ARHGEF28: variants seen among roughly 807,000 people sequenced by gnomAD.
ARHGEF28 encodes Rho guanine nucleotide exchange factor 28.
In ARHGEF28, 152 loss-of-function variants were observed where a neutral mutation model predicts 206.6. The observed-to-expected ratio is 0.74, with a 90% CI of 0.64 to 0.84. The LOEUF (loss-of-function observed/expected upper bound fraction) is 0.84. ARHGEF28 is among the 40% of genes least tolerant of loss of function. ARHGEF28 has a pLI of 0.00. For synonymous variants in ARHGEF28, 763 were observed against 776.4 expected (o/e 0.98, Z 0.29); for missense variants, 2,028 against 2,073.2 (o/e 0.98, Z 0.42).
At chr5:73,794,172 G>C (rs2112484884) in intron 7 of ARHGEF28, among the ~76,000 whole-genome samples, 1 of 152,242 alleles carries the variant, frequency 6.6e-6, no homozygotes, top group African/African-American at 2.4e-5. Flanking sequence ...TCCTGTGAGA[G>C]CTCCTGGGCT....
chr5:73,825,815 A>C (rs954228991), intron 9 of ARHGEF28, among the ~76,000 whole-genome samples: 3 of 152,138 alleles, frequency 2.0e-5, no homozygotes, highest in Non-Finnish European at 2.9e-5. Flanking sequence ...GGTGGGAATC[A>C]AGAGTTCAGC....
chr5:73,663,065 C>G (rs1745710222), intron 1 of ARHGEF28, among the ~76,000 whole-genome samples: 1 of 152,176 alleles, frequency 6.6e-6, no homozygotes, highest in Non-Finnish European at 1.5e-5. Context: ...AAGCGATTAC[C>G]CTGCCTCAGC....
At chr5:73,933,931 TTTC>T (rs921979439) in intron 35 of ARHGEF28, among the ~76,000 whole-genome samples, 49 of 151,110 alleles carry the variant, frequency 3.2e-4, no homozygotes, top group African/African-American at 1.1e-3. Context: ...TTTTTTTTTT[TTTC>T]CCCCTCAGTT....
At chr5:73,653,059 C>A (rs932169063) in intron 1 of ARHGEF28, among the ~76,000 whole-genome samples, 1 of 152,154 alleles carries the variant, frequency 6.6e-6, no homozygotes, top group African/African-American at 2.4e-5. Flanking sequence ...AGCTGTTGGT[C>A]AATAGCTCTA....
chr5:73,765,836 T>C (rs2087095339), intron 4 of ARHGEF28, among the ~76,000 whole-genome samples: 1 of 151,748 alleles, frequency 6.6e-6, no homozygotes, highest in African/African-American at 2.4e-5. Context: ...TTAATGTGAA[T>C]CAAAAAAAAA....
At chr5:73,671,246 T>G (rs1746283752) in intron 1 of ARHGEF28, among the ~76,000 whole-genome samples, 1 of 152,112 alleles carries the variant, frequency 6.6e-6, no homozygotes, top group Non-Finnish European at 1.5e-5. Context: ...CCCTGTAGCT[T>G]ACAAAAGTAA....
intron 9 of ARHGEF28, among the ~76,000 whole-genome samples, chr5:73,814,749 T>A (rs998261310): frequency 6.6e-6 from 1 of 152,134 alleles, no homozygotes; most frequent in East Asian, 1.9e-4. Flanking sequence ...ACGCTAGCAG[T>A]TGTCAGCAAA....
intron 26 of ARHGEF28, among the ~76,000 whole-genome samples, chr5:73,890,758 A>G (rs1761575434): frequency 6.6e-6 from 1 of 152,232 alleles, no homozygotes; most frequent in Non-Finnish European, 1.5e-5. Context: ...CGCTCAGTCC[A>G]TGATGGTGAA....
At chr5:73,894,711 A>G in intron 29 of ARHGEF28, 136 bp downstream of exon 29, 1 of 1,094,286 alleles carries the variant, frequency 9.1e-7, no homozygotes, top group South Asian at 1.7e-5. Context: ...GCTGGAACTT[A>G]TATTTCTAGA....
chr5:73,859,814 T>C (rs1471239217), intron 16 of ARHGEF28, among the ~76,000 whole-genome samples: 1 of 152,178 alleles, frequency 6.6e-6, no homozygotes, highest in Non-Finnish European at 1.5e-5. Context: ...CTTCGATGCA[T>C]CCCTGGCCAC....
At chr5:73,901,862 A>G (rs185850) in intron 31 of ARHGEF28, 70,752 of 151,494 alleles carry the variant, frequency 0.47, 17,131 homozygotes, top group African/African-American at 0.61. Context: ...ATAGACATAG[A>G]TATTAACTCT....
intron 1 of ARHGEF28, among the ~76,000 whole-genome samples, chr5:73,645,669 A>G (rs1411850044): frequency 4.6e-5 from 7 of 152,228 alleles, no homozygotes; most frequent in Admixed American, 4.6e-4. Context: ...AAATTAATGC[A>G]GAGGTTAAGA....
rs751165464 is a variant in ARHGEF28, at chr5:73,858,140, C to G, written c.1968C>G (p.Ala656=). The G allele has an allele frequency of 3.7e-6, 6 of 1,612,252 alleles. No individual in the cohort carries two copies. The East Asian group carries it at 8.9e-5, about 24-fold the overall frequency. The change falls in exon 16 of 36, where the codon GCC becomes GCG. Residue 656 remains alanine, a synonymous_variant. Transcript: ENST00000513042. ...DKEKLNRHQF[A]PGTFSGVLQC... The stretch of plus-strand genomic sequence containing the variant: ...AGAAGCTGAATCGACATCAGTTTGC[C>G]CCAGGAACATTCTCTGGGGTTCTGC...
chr5:73,910,822 T>C (rs977293637), intron 34 of ARHGEF28, among the ~76,000 whole-genome samples: 2 of 152,220 alleles, frequency 1.3e-5, no homozygotes, highest in Non-Finnish European at 2.9e-5. Flanking sequence ...TCCTGTGTTA[T>C]GTGCATGTAT....
At chr5:73,659,762 A>G (rs1745470607) in intron 1 of ARHGEF28, among the ~76,000 whole-genome samples, 1 of 152,246 alleles carries the variant, frequency 6.6e-6, no homozygotes, top group South Asian at 2.1e-4. Flanking sequence ...TTTCCAGTGC[A>G]TATAAAATTT....
rs1393608023 is a variant in ARHGEF28, at chr5:73,776,538, A to G, written c.682A>G (p.Ser228Gly). 6 of 1,612,018 alleles carry G rather than the reference A, an allele frequency of 3.7e-6. No individual in the cohort carries two copies. The highest frequency in any genetic ancestry group is 4.2e-6 in the Non-Finnish European group (5 of 1,178,648). The change falls in exon 6 of 36, where the codon AGC becomes GGC. Residue 228 changes from serine (S) to glycine (G), a missense_variant. Physicochemically the swap from Ser to Gly is moderately conservative, Grantham distance 56 (BLOSUM62 0). Transcript: ENST00000513042. ...VTNFQGRWSP[S>G]FSRVQLSEEA... ...CAGTTTTCAGGGCAGATGGTCCCCA[A>G]GCTTCTCCCGAGTGCAGCTCAGTGA...
At chr5:73,923,202 G>T in intron 35 of ARHGEF28, 2 of 1,510,434 alleles carry the variant, frequency 1.3e-6, no homozygotes, top group Non-Finnish European at 1.8e-6. Context: ...TTCTTTTAGG[G>T]TACTCCACTC....
chr5:73,816,130 G>C (rs532203454), intron 9 of ARHGEF28, among the ~76,000 whole-genome samples: 120 of 152,162 alleles, frequency 7.9e-4, no homozygotes, highest in Non-Finnish European at 1.6e-3. Context: ...GGGGTGCCAG[G>C]CACTGTTCTT....
chr5:73,873,019 C>T lies in ARHGEF28; in HGVS notation c.2587C>T (p.His863Tyr). ...VIFELMQTEM[H>Y]HIQTLFIMSE... is the part of the protein sequence containing the mutation. ...TTCAGAGCTAATGCAAACAGAGATG[C>T]ATCACATCCAGACCCTGTTCATCAT... The change falls in exon 22 of 36, where the codon CAT becomes TAT. Residue 863 changes from histidine (H) to tyrosine (Y), a missense_variant. Physicochemically the swap from His to Tyr is moderately conservative, Grantham distance 83. This residue lies in a region of ARHGEF28 where 223 missense variants were observed against 289.9 expected (regional missense o/e 0.77). Coordinates refer to ENST00000513042, the MANE Select transcript of ARHGEF28 (RefSeq NM_001177693.2). 1 of 1,613,684 alleles carries T rather than the reference C, an allele frequency of 6.2e-7. No individual in the cohort carries two copies. The highest frequency in any genetic ancestry group is 8.5e-7 in the Non-Finnish European group (1 of 1,179,736).
Sources: gnomAD v4.1 joint callset for allele counts (sites outside exome capture counted in the v4.1 genomes callset) on GRCh38, gnomAD v4.1.1 for gene constraint, gnomAD v4.1.1 regional missense constraint, MANE v1.5 for transcripts, NCBI Gene and HGNC (gene_info 2026-07-23, HGNC 2026-07-21) for gene names.